GRIP2: variants seen among roughly 807,000 people sequenced by gnomAD.
The protein encoded by GRIP2 is glutamate receptor interacting protein 2.
GRIP2 carries 58 observed loss-of-function variants against 108.3 expected under a neutral mutation model. That is an observed-to-expected ratio of 0.54 (90% CI 0.43 to 0.67). The LOEUF is 0.67. Among genes scored for constraint, GRIP2 ranks in the 30% least tolerant of loss-of-function variants. GRIP2 has a pLI of 0.00. For synonymous variants in GRIP2, 586 were observed against 598.2 expected, an observed-to-expected ratio of 0.98 and a Z score of 0.30; for missense variants, 1,278 against 1,430.6, an observed-to-expected ratio of 0.89 and a Z score of 1.72.
chr3:14,532,226 C>T lies in GRIP2; in HGVS notation c.41-6295G>A, dbSNP rs375552600. 8.9e-4 allele frequency among the ~76,000 whole-genome samples: 135 copies of T among 152,330 alleles called. 4 individuals carry two copies. The South Asian group carries it at 0.026, about 30-fold the overall frequency. ...AGCGGGAGAAAAGACGGGAGAAGGT[C>T]TGGTCCCCGCAGGTGGCAGAGGCCA... On this transcript the variant is annotated intron_variant, in intron 1 of 23. Coordinates refer to ENST00000621039, the MANE Select transcript of GRIP2 (RefSeq NM_001080423.4).
At chr3:14,532,985 T>C (rs1426854120) in intron 1 of GRIP2, among the ~76,000 whole-genome samples, 13 of 152,260 alleles carry the variant, frequency 8.5e-5, no homozygotes, top group African/African-American at 3.1e-4. Context: ...GGCTGGGCTC[T>C]CTTTGCTTGC....
At position 14,522,079 on chromosome 3, in the gene GRIP2, T is replaced by G; in HGVS notation, c.567-292A>C. ...ACAGACTCAGTGCAGAACCCTGAAA[T>G]GTCTGAGCTGGGGGTGCTCTTCAAG... On this transcript the variant is annotated intron_variant, in intron 6 of 23. Coordinates refer to ENST00000621039, the MANE Select transcript of GRIP2 (RefSeq NM_001080423.4). The surrounding 1 kb of genome is among the most constrained non-coding windows in gnomAD (Gnocchi z 4.3). The G allele has an allele frequency of 7.8e-6, 3 of 386,174 alleles. No homozygotes were observed. Among genetic ancestry groups the G allele is most frequent in the Non-Finnish European group, 1.4e-5 (3 of 216,080 alleles). The allele number at this position is 386,174 out of a possible 1,614,324, so 23.9% of individuals were successfully genotyped here. A position where few individuals can be genotyped will look rare whatever the true frequency, so the allele number is the denominator to read the frequency against.
At position 14,512,663 on chromosome 3, in the gene GRIP2, C is replaced by T; in HGVS notation, c.1720+114G>A. The T allele has an allele frequency of 1.0e-6, 1 of 992,086 alleles. No homozygotes were observed. Among genetic ancestry groups the T allele is most frequent in the Non-Finnish European group, 1.5e-6 (1 of 663,494 alleles). The allele number at this position is 992,086 out of a possible 1,614,324, so 61.5% of individuals were successfully genotyped here. ...CCTCCCCACACCCCCAAGCCTTTTC[C>T]TCGGGCCCCGCAGGGTGTCACGCCA... On this transcript the variant is annotated intron_variant, in intron 14 of 23. Transcript: ENST00000621039. The surrounding 1 kb of genome is among the most constrained non-coding windows in gnomAD (Gnocchi z 5.1).
At chr3:14,567,069 C>A in the GRIP2 span, among the ~76,000 whole-genome samples, 3 of 152,316 alleles carry the variant, frequency 2.0e-5, no homozygotes, top group African/African-American at 7.2e-5. Context: ...AACTGCCCAG[C>A]CTTGAGGCAT....
At chr3:14,602,711 G>A in the GRIP2 span, among the ~76,000 whole-genome samples, 2 of 151,872 alleles carry the variant, frequency 1.3e-5, no homozygotes, top group South Asian at 4.1e-4. The surrounding 1 kb of genome is among the most constrained non-coding windows in gnomAD (Gnocchi z 4.7). Flanking sequence ...TCCGGGACCA[G>A]GCTCCGCTCC....
intron 1 of GRIP2, among the ~76,000 whole-genome samples, chr3:14,537,913 AGAGT>A (rs1237683740): frequency 6.6e-6 from 1 of 152,232 alleles, no homozygotes. Context: ...TCAAGGCAGG[AGAGT>A]GAACATGGAG....
the GRIP2 span, among the ~76,000 whole-genome samples, chr3:14,586,437 G>A: frequency 1.3e-5 from 2 of 152,236 alleles, no homozygotes; most frequent in South Asian, 2.1e-4. Context: ...AGGGCTGGGT[G>A]CCAGGGCCAG....
chr3:14,581,653 G>A, the GRIP2 span, among the ~76,000 whole-genome samples: 1 of 151,992 alleles, frequency 6.6e-6, no homozygotes, highest in African/African-American at 2.4e-5. Flanking sequence ...CCTGCCCAAA[G>A]CAAAGCCAAC....
chr3:14,490,366 G>A lies in GRIP2; in HGVS notation c.*3299C>T, dbSNP rs976607050. The A allele has an allele frequency of 6.6e-6, 1 of 152,548 alleles. No homozygotes were observed. The highest frequency in any genetic ancestry group is 1.5e-5 in the Non-Finnish European group (1 of 68,292). The allele number at this position is 152,548 out of a possible 1,614,324, so 9.4% of individuals were successfully genotyped here. A position where few individuals can be genotyped will look rare whatever the true frequency, so the allele number is the denominator to read the frequency against. The stretch of plus-strand genomic sequence containing the variant: ...TTCCCCCTGCCTACACCACTCCCAA[G>A]ACAGAGTACTCGCTTCCTGGAAAGA... On this transcript the variant is annotated 3_prime_UTR_variant, in exon 24 of 24. Transcript: ENST00000621039.
the GRIP2 span, among the ~76,000 whole-genome samples, chr3:14,584,772 G>A: frequency 6.6e-6 from 1 of 152,164 alleles, no homozygotes; most frequent in Admixed American, 6.5e-5. Context: ...TACTGAGCCT[G>A]GATCTGAATC....
chr3:14,544,765 A>G (rs1352559081), upstream of GRIP2, among the ~76,000 whole-genome samples: 1 of 152,218 alleles, frequency 6.6e-6, no homozygotes, highest in Non-Finnish European at 1.5e-5. Context: ...GTTGTTAAAC[A>G]TTTCAGCCAG....
intron 1 of GRIP2, among the ~76,000 whole-genome samples, chr3:14,548,089 C>T (rs899757301): frequency 2.6e-5 from 4 of 152,082 alleles, no homozygotes; most frequent in African/African-American, 7.2e-5. Context: ...GTCTGAGCCA[C>T]GCCTTGAGGG....
upstream of GRIP2, among the ~76,000 whole-genome samples, chr3:14,557,251 A>T (rs994753693): frequency 6.6e-6 from 1 of 152,274 alleles, no homozygotes; most frequent in African/African-American, 2.4e-5. Context: ...TCTGACCAGT[A>T]ATAAAAATGA....
chr3:14,517,178 T>C lies in GRIP2; in HGVS notation c.1192A>G (p.Asn398Asp). The change falls in exon 11 of 24, where the codon AAC becomes GAC. Residue 398 changes from asparagine to aspartate, a missense_variant. Asn to Asp is a conservative substitution (Grantham distance 23, BLOSUM62 1). Transcript: ENST00000621039. Reference protein sequence around the residue: ...SSTPFSSPTLNHAFSCNNPST... With the variant: ...SSTPFSSPTLDHAFSCNNPST... Reference sequence around the variant, plus strand: ...GGGTTGTTGCAGGAAAAGGCGTGGTTCAAGGTCGGCGAGGAAAAGGGAGTT... The same window carrying C: ...GGGTTGTTGCAGGAAAAGGCGTGGTCCAAGGTCGGCGAGGAAAAGGGAGTT... 1 of 1,604,474 alleles carries C rather than the reference T, an allele frequency of 6.2e-7. No individual in the cohort carries two copies. Among genetic ancestry groups the C allele is most frequent in the Non-Finnish European group, 8.5e-7 (1 of 1,176,066 alleles).
At chr3:14,541,662 C>T (rs867903195), upstream of GRIP2, among the ~76,000 whole-genome samples, 2 of 152,350 alleles carry the variant, frequency 1.3e-5, no homozygotes, top group South Asian at 4.1e-4. Flanking sequence ...TGCCCTGCCG[C>T]CCACTTCCTA....
Position 14,521,834 on chromosome 3 carries a change from G to A in GRIP2, c.567-47C>T, listed in dbSNP as rs763827613. On this transcript the variant is annotated intron_variant, in intron 6 of 23. Transcript: ENST00000621039. The surrounding 1 kb of genome is among the most constrained non-coding windows in gnomAD (Gnocchi z 5.1). ...CAGCCTGGCCCGGCAGCAGCACTGG[G>A]CACAGCCTGTCTGGGAGGGCGCTGG... 222 of 1,506,670 alleles carry A rather than the reference G, an allele frequency of 1.5e-4. No homozygotes were observed. Among genetic ancestry groups the A allele is most frequent in the Non-Finnish European group, 1.9e-4 (209 of 1,125,892 alleles). 93.3% of individuals were successfully genotyped at this position (1,506,670 alleles called of 1,614,324 possible).
chr3:14,529,688 T>A (rs1424654532), intron 1 of GRIP2, among the ~76,000 whole-genome samples: 1 of 152,224 alleles, frequency 6.6e-6, no homozygotes, highest in East Asian at 1.9e-4. Flanking sequence ...TTTTAAATAT[T>A]TTGAACATTC....
intron 1 of GRIP2, among the ~76,000 whole-genome samples, chr3:14,554,948 T>A (rs896978981): frequency 1.3e-5 from 2 of 152,122 alleles, no homozygotes; most frequent in Non-Finnish European, 1.5e-5. Flanking sequence ...GCAAGATGAT[T>A]CTTGCTCCTC....
chr3:14,513,879 G>A, intron 12 of GRIP2, 69 bp from the exon 13 acceptor site: 2 of 1,563,572 alleles, frequency 1.3e-6, no homozygotes, highest in Non-Finnish European at 1.7e-6. Flanking sequence ...AGAACGCCAT[G>A]CAGGGCAGGA....
Sources: allele counts gnomAD v4.1 joint callset (sites outside exome capture counted in the v4.1 genomes callset), GRCh38; gene constraint gnomAD v4.1.1; non-coding constraint Gnocchi (gnomAD v3.1); transcripts MANE v1.5; gene names NCBI Gene and HGNC (gene_info 2026-07-23, HGNC 2026-07-21).